The following IQCH variants were observed in gnomAD, a reference collection of about 807,000 sequenced individuals.
The protein encoded by IQCH is IQ motif containing H, also known as IQ domain-containing protein H.
In IQCH, 98 loss-of-function variants were observed where a neutral mutation model predicts 117.0. The ratio of observed to expected loss-of-function variants is 0.84; its 90% CI spans 0.71 to 0.99. The LOEUF is 0.99. IQCH is among the 50% of genes least tolerant of loss of function. IQCH has a pLI of 0.00. For missense variants in IQCH, 1,102 were observed against 1,243.8 expected (o/e 0.89, Z 1.72); for synonymous variants, 412 against 448.2 (o/e 0.92, Z 1.02).
At chr15:67,347,219 G>T (rs1323787161) in intron 6 of IQCH, among the ~76,000 whole-genome samples, 1 of 149,908 alleles carries the variant, frequency 6.7e-6, no homozygotes, top group Admixed American at 6.6e-5. Context: ...AAAAAAAAAG[G>T]AATTCAGTGA....
intron 1 of IQCH, among the ~76,000 whole-genome samples, chr15:67,258,124 G>C (rs936833504): frequency 1.3e-5 from 2 of 151,856 alleles, no homozygotes; most frequent in Non-Finnish European, 2.9e-5. Flanking sequence ...CCAGCTACTT[G>C]GGAGGCTGAG....
At chr15:67,261,711 C>T (rs933799312) in intron 2 of IQCH, among the ~76,000 whole-genome samples, 2 of 152,038 alleles carry the variant, frequency 1.3e-5, no homozygotes, top group East Asian at 3.9e-4. Flanking sequence ...GGCCAAGAAG[C>T]GATGAAAAAT....
chr15:67,255,235 G>A, intron 1 of IQCH: 1 of 501,562 alleles, frequency 2.0e-6, no homozygotes, highest in Non-Finnish European at 3.6e-6. Flanking sequence ...ACCTCACGCT[G>A]AGGCATCATT....
intron 4 of IQCH, among the ~76,000 whole-genome samples, chr15:67,321,414 C>A (rs1265366910): frequency 6.6e-6 from 1 of 151,854 alleles, no homozygotes; most frequent in African/African-American, 2.4e-5. Context: ...CCATGTATGC[C>A]TTTTCTTCCT....
Position 67,496,117 on chromosome 15 carries a change from G to A in IQCH, c.2970+1751G>A, listed in dbSNP as rs917356191. Reference sequence around the variant, plus strand: ...AGATTGCTTGATCCCAGGAGTTCAAGACCAGCCTGGGCAACATGGTGAAAC... The same window carrying A: ...AGATTGCTTGATCCCAGGAGTTCAAAACCAGCCTGGGCAACATGGTGAAAC... On this transcript the variant is annotated intron_variant, in intron 20 of 20. Coordinates refer to ENST00000335894, the MANE Select transcript of IQCH (RefSeq NM_001031715.3). This position sits in a 1 kb window ranked among gnomAD's most constrained non-coding sequence, Gnocchi z 4.4. Among the ~76,000 whole-genome samples the A allele has an allele frequency of 6.6e-6, 1 of 152,134 alleles. No homozygotes were observed. Among genetic ancestry groups the A allele is most frequent in the African/African-American group, 2.4e-5 (1 of 41,416 alleles).
In IQCH at chr15:67,447,004, G is replaced by A. The variant is rs778120856; in HGVS notation, c.2506-18123G>A. ...ATTCTGCCAAGCATTTGTTTCCCTCGCCAGGCTGAGAGCAATCAACAGGGT... is the reference window on the plus strand; with the variant it reads ...ATTCTGCCAAGCATTTGTTTCCCTCACCAGGCTGAGAGCAATCAACAGGGT... On this transcript the variant is annotated intron_variant, in intron 16 of 20. Coordinates refer to ENST00000335894, the MANE Select transcript of IQCH (RefSeq NM_001031715.3). The surrounding 1 kb of genome is among the most constrained non-coding windows in gnomAD (Gnocchi z 5.3). Among the ~76,000 whole-genome samples the A allele has an allele frequency of 2.0e-5, 3 of 152,066 alleles. No individual in the cohort carries two copies. The highest frequency in any genetic ancestry group is 7.3e-5 in the African/African-American group (3 of 41,376).
chr15:67,422,045 G>A lies in IQCH; in HGVS notation c.2505+468G>A, dbSNP rs2081761312. Among the ~76,000 whole-genome samples the A allele has an allele frequency of 6.6e-6, 1 of 151,470 alleles. No individual in the cohort carries two copies. The highest frequency in any genetic ancestry group is 2.1e-4 in the South Asian group (1 of 4,808). ...ACCCGGGAGGCAGAGGTTGCAATGAGCCGAGATCATGCTACTACACTCCAG... is the reference window on the plus strand; with the variant it reads ...ACCCGGGAGGCAGAGGTTGCAATGAACCGAGATCATGCTACTACACTCCAG... On this transcript the variant is annotated intron_variant, in intron 16 of 20. Coordinates refer to ENST00000335894, the MANE Select transcript of IQCH (RefSeq NM_001031715.3). This position sits in a 1 kb window ranked among gnomAD's most constrained non-coding sequence, Gnocchi z 4.7.
intron 3 of IQCH, among the ~76,000 whole-genome samples, chr15:67,274,186 G>A (rs940798262): frequency 6.6e-6 from 1 of 152,112 alleles, no homozygotes; most frequent in Non-Finnish European, 1.5e-5. Context: ...TGCCCTTCCT[G>A]TACCTGGATA....
At chr15:67,423,892 G>C (rs2081817808) in intron 16 of IQCH, among the ~76,000 whole-genome samples, 1 of 151,668 alleles carries the variant, frequency 6.6e-6, no homozygotes, top group African/African-American at 2.4e-5. Context: ...AAGAAGGAGA[G>C]TGAGAAAGAG....
In IQCH at chr15:67,372,191, C is replaced by A. The variant is rs548673103; in HGVS notation, c.834C>A (p.Asp278Glu). Reference sequence around the variant, plus strand: ...TTTTAATTTATGATGGTGTCATAGACAATACAGCCCCAGACTTCTTAGCAT... The same window carrying A: ...TTTTAATTTATGATGGTGTCATAGAAAATACAGCCCCAGACTTCTTAGCAT... Reference protein sequence around the residue: ...YDFLIYDGVIDNTAPDFLAFK... With the variant: ...YDFLIYDGVIENTAPDFLAFK... Residue 278 changes from aspartate (D) to glutamate (E), a missense_variant, in exon 9 of 21, where the codon GAC (aspartate) becomes GAA (glutamate). Asp to Glu is a conservative substitution (Grantham distance 45, BLOSUM62 2). This residue lies in a region of IQCH where 452 missense variants were observed against 449.6 expected (regional missense o/e 1.01). Transcript: ENST00000335894. The A allele has an allele frequency of 6.2e-7, 1 of 1,613,960 alleles. No individual in the cohort carries two copies. Among genetic ancestry groups the A allele is most frequent in the East Asian group, 2.2e-5 (1 of 44,880 alleles).
At chr15:67,415,895 A>C (rs2081563685) in intron 14 of IQCH, among the ~76,000 whole-genome samples, 1 of 152,190 alleles carries the variant, frequency 6.6e-6, no homozygotes, top group Non-Finnish European at 1.5e-5. Flanking sequence ...AATCTAAAAA[A>C]AATAAAATTT....
rs1969213689 is a variant in IQCH at position 67,342,405 on chromosome 15, T to C, written c.509-1658T>C. 6.6e-6 allele frequency among the ~76,000 whole-genome samples: 1 copy of C among 152,128 alleles called. No homozygotes were observed. ...TGTTCGAAAATCTTAATTTTTTCCT[T>C]CCAATAGTAGATGGGCACACATATG... On this transcript the variant is annotated intron_variant, in intron 5 of 20. Transcript: ENST00000335894. The surrounding 1 kb of genome is among the most constrained non-coding windows in gnomAD (Gnocchi z 4.7).
In IQCH at chr15:67,426,672, A is replaced by AT. The variant is rs1302612318; in HGVS notation, c.2505+5098dup. Among the ~76,000 whole-genome samples, 3 of 152,142 alleles carry AT rather than the reference A, an allele frequency of 2.0e-5. No homozygotes were observed. The highest frequency in any genetic ancestry group is 7.2e-5 in the African/African-American group (3 of 41,436). ...AACTTGGAACATAGTAACTGTGTATATTTACAAAATAAAATCCCAGGCCAG... is the reference window on the plus strand; with the variant it reads ...AACTTGGAACATAGTAACTGTGTATATTTTACAAAATAAAATCCCAGGCCAG... On this transcript the variant is annotated intron_variant, in intron 16 of 20. Coordinates refer to ENST00000335894, the MANE Select transcript of IQCH (RefSeq NM_001031715.3). This position sits in a 1 kb window ranked among gnomAD's most constrained non-coding sequence, Gnocchi z 5.1.
chr15:67,378,893 A>G (rs1477919397), intron 10 of IQCH, among the ~76,000 whole-genome samples: 2 of 152,202 alleles, frequency 1.3e-5, no homozygotes, highest in African/African-American at 4.8e-5. Context: ...TACACTCATC[A>G]TGATTATTGA....
intron 4 of IQCH, among the ~76,000 whole-genome samples, chr15:67,318,149 A>G (rs1425333948): frequency 6.6e-6 from 1 of 152,180 alleles, no homozygotes; most frequent in African/African-American, 2.4e-5. Context: ...AATTATTATG[A>G]ACTTTTAAAT....
At chr15:67,396,035 G>A (rs539232898) in intron 13 of IQCH, among the ~76,000 whole-genome samples, 1 of 152,138 alleles carries the variant, frequency 6.6e-6, no homozygotes, top group East Asian at 1.9e-4. Flanking sequence ...AGAAATTGCT[G>A]GAATTTCCAA....
In IQCH at chr15:67,293,435, A is replaced by G. The variant is rs116931937; in HGVS notation, c.387+13923A>G. Among the ~76,000 whole-genome samples the G allele has an allele frequency of 6.8e-4, 103 of 152,332 alleles. 4 individuals are homozygous for G. The East Asian group carries it at 0.012, about 17-fold the overall frequency. ...ATATAAAATAGTGTAATATTTGCAT[A>G]TAACCTATGTACATCCTCCTGTACA... is the stretch of plus-strand genomic sequence containing the variant. On this transcript the variant is annotated intron_variant, in intron 4 of 20. Transcript: ENST00000335894.
chr15:67,328,497 A>G (rs960086856), intron 4 of IQCH, among the ~76,000 whole-genome samples: 1 of 152,198 alleles, frequency 6.6e-6, no homozygotes, highest in Non-Finnish European at 1.5e-5. Flanking sequence ...AAGAAAAACT[A>G]TAGAAAATCA....
At chr15:67,330,373 T>C (rs897765702) in intron 4 of IQCH, among the ~76,000 whole-genome samples, 1 of 152,164 alleles carries the variant, frequency 6.6e-6, no homozygotes, top group African/African-American at 2.4e-5. Flanking sequence ...AGAAGTTAAA[T>C]AACATACACT....
Sources: gnomAD v4.1 joint callset for allele counts (sites outside exome capture counted in the v4.1 genomes callset) on GRCh38, gnomAD v4.1.1 for gene constraint, gnomAD v4.1.1 regional missense constraint, Gnocchi (gnomAD v3.1) non-coding constraint, MANE v1.5 for transcripts, NCBI Gene and HGNC (gene_info 2026-07-23, HGNC 2026-07-21) for gene names.